The following CHRM2 variants were observed in gnomAD, a reference collection of about 807,000 sequenced individuals.
The protein encoded by CHRM2 is cholinergic receptor muscarinic 2, also known as muscarinic acetylcholine receptor M2.
CHRM2 carries 8 observed loss-of-function variants against 25.0 expected under a neutral mutation model. The ratio of observed to expected loss-of-function variants is 0.32; its 90% CI spans 0.19 to 0.58. The LOEUF (loss-of-function observed/expected upper bound fraction) is 0.58. Ranked by LOEUF, CHRM2 falls within the 20% of genes least tolerant of loss-of-function variation. The pLI is 0.88. For synonymous variants in CHRM2, 202 were observed against 205.7 expected (o/e 0.98, Z 0.15); for missense variants, 440 against 567.1 (o/e 0.78, Z 2.28).
In CHRM2 at chr7:136,938,363, A is replaced by G. The variant is rs1180008271; in HGVS notation, c.-124-53824A>G. 3.8e-6 allele frequency: 6 copies of G among 1,586,082 alleles called. No homozygotes were observed. In the Admixed American group the frequency reaches 8.3e-5, roughly 22 times the overall value. ...GTCGTCTGCTGCTGCAGGAGGCTCC[A>G]CTTGGTCTCCAGCATCTTGTTCTGC... On this transcript the variant is annotated intron_variant, in intron 2 of 3. Transcript: ENST00000680005.
chr7:136,896,403 G>T (rs1028616296), intron 2 of CHRM2, among the ~76,000 whole-genome samples: 16 of 152,150 alleles, frequency 1.1e-4, no homozygotes, highest in Non-Finnish European at 2.4e-4. Context: ...AAATCTTCCA[G>T]TGTATCTGGG....
chr7:136,873,249 G>C (rs79238925), intron 2 of CHRM2, among the ~76,000 whole-genome samples: 7 of 152,170 alleles, frequency 4.6e-5, no homozygotes, highest in Non-Finnish European at 1.0e-4. Context: ...AATGGCATAA[G>C]TATACTGATT....
chr7:136,894,515 A>G (rs1392512549), intron 2 of CHRM2, among the ~76,000 whole-genome samples: 1 of 151,896 alleles, frequency 6.6e-6, no homozygotes, highest in East Asian at 2.0e-4. Flanking sequence ...GAGATTACAG[A>G]CACATGCCAC....
chr7:136,970,569 G>A (rs1801694277), intron 2 of CHRM2, among the ~76,000 whole-genome samples: 1 of 152,014 alleles, frequency 6.6e-6, no homozygotes, highest in Non-Finnish European at 1.5e-5. Context: ...ACCATGTCTT[G>A]GACTTCTTTA....
intron 2 of CHRM2, among the ~76,000 whole-genome samples, chr7:136,913,421 A>G (rs1426238019): frequency 6.6e-6 from 1 of 152,008 alleles, no homozygotes; most frequent in Non-Finnish European, 1.5e-5. Flanking sequence ...GTCAGTTTCT[A>G]GAGGAGATCT....
chr7:136,934,781 T>C (rs1366696989), intron 2 of CHRM2, among the ~76,000 whole-genome samples: 1 of 151,566 alleles, frequency 6.6e-6, no homozygotes, highest in African/African-American at 2.4e-5. Flanking sequence ...TTAAAAATAA[T>C]AGAAGAGTTC....
At chr7:136,982,125 C>T (rs1308672443) in intron 2 of CHRM2, among the ~76,000 whole-genome samples, 4 of 152,128 alleles carry the variant, frequency 2.6e-5, no homozygotes, top group Admixed American at 6.5e-5. Flanking sequence ...AATCCTGGTG[C>T]TCCTGTATTG....
intron 2 of CHRM2, among the ~76,000 whole-genome samples, chr7:136,894,586 G>T (rs1305982330): frequency 1.3e-5 from 2 of 152,024 alleles, no homozygotes; most frequent in African/African-American, 4.8e-5. Context: ...TGGCCAGGCT[G>T]GTCTCGAACT....
intron 2 of CHRM2, among the ~76,000 whole-genome samples, chr7:136,932,349 C>G (rs914277467): frequency 6.6e-6 from 1 of 152,160 alleles, no homozygotes; most frequent in Non-Finnish European, 1.5e-5. Flanking sequence ...AAAATGGCTT[C>G]ACTGGTGAAT....
chr7:137,013,206 A>G (rs1431267499), intron 3 of CHRM2, among the ~76,000 whole-genome samples: 1 of 151,968 alleles, frequency 6.6e-6, no homozygotes, highest in African/African-American at 2.4e-5. Flanking sequence ...AAAAATTTTA[A>G]AGGAATATGC....
At chr7:136,903,856 T>A (rs1027798019) in intron 2 of CHRM2, among the ~76,000 whole-genome samples, 3 of 151,930 alleles carry the variant, frequency 2.0e-5, no homozygotes, top group Non-Finnish European at 4.4e-5. Flanking sequence ...TTGTACATGA[T>A]ATTAAGGAGA....
At position 136,891,914 on chromosome 7, in the gene CHRM2, C is replaced by T. The variant is rs576523437; in HGVS notation, c.-125+22496C>T. Among the ~76,000 whole-genome samples, 5 of 152,322 alleles carry T rather than the reference C, an allele frequency of 3.3e-5. No homozygotes were observed. In the South Asian group the frequency reaches 8.3e-4, roughly 25 times the overall value. On this transcript the variant is annotated intron_variant, in intron 2 of 3. Transcript: ENST00000680005. ...CTTTGATTTAGGAGCCATCTCAGCA[C>T]CTTGTCTGTTTCCCTCCTAGAATTT... is the stretch of plus-strand genomic sequence containing the variant.
intron 2 of CHRM2, among the ~76,000 whole-genome samples, chr7:136,909,486 G>A (rs1350396535): frequency 6.6e-6 from 1 of 151,858 alleles, no homozygotes; most frequent in Non-Finnish European, 1.5e-5. Flanking sequence ...TGTAGATGAG[G>A]ACACTAAGGC....
At position 136,995,305 on chromosome 7, in the gene CHRM2, C is replaced by T. The variant is rs571883521; in HGVS notation, c.-47+3041C>T. Among the ~76,000 whole-genome samples, 20 of 152,128 alleles carry T rather than the reference C, an allele frequency of 1.3e-4. No homozygotes were observed. In the South Asian group the frequency reaches 4.1e-3, roughly 32 times the overall value. On this transcript the variant is annotated intron_variant, in intron 3 of 3. Transcript: ENST00000680005. ...AGCAAGATATACACAAATATACATA[C>T]ACAAACACAGGTCTATAAAAATTTT...
chr7:137,015,924 T>A lies in CHRM2; in HGVS notation c.1059T>A (p.Asn353Lys). The change falls in exon 4 of 4, where the codon AAT (asparagine) becomes AAA (lysine). Residue 353 changes from asparagine to lysine, a missense_variant. Coordinates refer to ENST00000680005, the MANE Select transcript of CHRM2 (RefSeq NM_001006630.2). This position sits in a 1 kb window ranked among gnomAD's most constrained non-coding sequence, Gnocchi z 5.1. ...AGGTAGTGGGGTCTTCAGGTCAGAA[T>A]GGAGATGAAAAGCAGAATATTGTAG... ...TVEVVGSSGQ[N>K]GDEKQNIVAR... 6.2e-7 allele frequency: 1 copy of A among 1,613,112 alleles called. No individual in the cohort carries two copies. Among genetic ancestry groups the A allele is most frequent in the Non-Finnish European group, 8.5e-7 (1 of 1,179,444 alleles).
At chr7:136,993,551 C>G (rs1226047048) in intron 3 of CHRM2, among the ~76,000 whole-genome samples, 3 of 152,152 alleles carry the variant, frequency 2.0e-5, no homozygotes, top group Admixed American at 2.0e-4. Context: ...AACCCCTTGA[C>G]AGGCATACGG....
Position 136,891,249 on chromosome 7 carries a change from T to G in CHRM2, c.-125+21831T>G, listed in dbSNP as rs191220591. On this transcript the variant is annotated intron_variant, in intron 2 of 3. Transcript: ENST00000680005. ...TACCCAATGTCCTCTTTCTGATTGG[T>G]GTCCCATCCAGATGCCACAGTGAAT... 4.6e-5 allele frequency among the ~76,000 whole-genome samples: 7 copies of G among 152,330 alleles called. No individual in the cohort carries two copies. The East Asian group carries it at 1.4e-3, about 29-fold the overall frequency.
At chr7:136,967,871 T>A (rs947868545) in intron 2 of CHRM2, among the ~76,000 whole-genome samples, 33 of 152,014 alleles carry the variant, frequency 2.2e-4, no homozygotes, top group African/African-American at 8.0e-4. Context: ...TATTTCTGTC[T>A]TTTTAGAATT....
At chr7:136,892,154 T>C (rs1796716099) in intron 2 of CHRM2, among the ~76,000 whole-genome samples, 1 of 152,234 alleles carries the variant, frequency 6.6e-6, no homozygotes, top group Non-Finnish European at 1.5e-5. Flanking sequence ...ACTGGATACT[T>C]ATGATGATAA....
Sources: allele counts gnomAD v4.1 joint callset (sites outside exome capture counted in the v4.1 genomes callset), GRCh38; gene constraint gnomAD v4.1.1; non-coding constraint Gnocchi (gnomAD v3.1); transcripts MANE v1.5; gene names NCBI Gene and HGNC (gene_info 2026-07-23, HGNC 2026-07-21).